The following CELF2 variants were observed in gnomAD, a reference collection of about 807,000 sequenced individuals.
CELF2 encodes the protein CUG triplet repeat RNA-binding protein 2.
Under a neutral mutation model 62.6 loss-of-function variants are expected in CELF2, and 8 were observed. The ratio of observed to expected loss-of-function variants is 0.13; its 90% CI spans 0.07 to 0.23. The LOEUF is 0.23. CELF2 is among the 10% of genes least tolerant of loss of function. CELF2 has a pLI of 1.00. For missense variants in CELF2, 333 were observed against 671.0 expected (o/e 0.50, Z 5.56); for synonymous variants, 258 against 250.0 (o/e 1.03, Z -0.30).
At chr10:11,044,497 C>T (rs573414480) in intron 1 of CELF2, among the ~76,000 whole-genome samples, 1 of 152,248 alleles carries the variant, frequency 6.6e-6, no homozygotes, top group African/African-American at 2.4e-5. Context: ...TTGTGTGAAT[C>T]TCTGTAGCAC....
chr10:10,789,922 T>C, the CELF2 span, among the ~76,000 whole-genome samples: 4 of 152,226 alleles, frequency 2.6e-5, no homozygotes, highest in Admixed American at 6.5e-5. Context: ...ACATGAACTT[T>C]TCTTTATATT....
intron 1 of CELF2, among the ~76,000 whole-genome samples, chr10:11,033,539 A>G (rs936801554): frequency 6.6e-6 from 1 of 152,184 alleles, no homozygotes; most frequent in Admixed American, 6.5e-5. Context: ...TTACAGGCGT[A>G]AGCCACCATG....
intron 1 of CELF2, among the ~76,000 whole-genome samples, chr10:10,876,900 A>G (rs2061134000): frequency 6.6e-6 from 1 of 152,246 alleles, no homozygotes. Context: ...GTTTGTGTGC[A>G]ACACATGGTT....
the CELF2 span, among the ~76,000 whole-genome samples, chr10:10,766,846 C>A: frequency 6.6e-6 from 1 of 152,214 alleles, no homozygotes; most frequent in Non-Finnish European, 1.5e-5. Flanking sequence ...AGTCTACAGG[C>A]TTTGTACCCA....
chr10:11,197,035 A>AAGAAAGAAAGAAAGAAAGAAAG (rs2057940781), intron 2 of CELF2, among the ~76,000 whole-genome samples: 1 of 35,966 alleles, frequency 2.8e-5, no homozygotes, highest in African/African-American at 1.6e-4. Flanking sequence ...AAAAGAAAGA[A>AAGAAAGAAAGAAAGAAAGAAAG]AGAAAGAAAG....
chr10:10,530,136 G>A, the CELF2 span, among the ~76,000 whole-genome samples: 1 of 152,186 alleles, frequency 6.6e-6, no homozygotes, highest in Admixed American at 6.5e-5. Flanking sequence ...CTAGTCTGCA[G>A]TGCAAAGCAG....
chr10:11,033,769 T>C (rs2060517986), intron 1 of CELF2, among the ~76,000 whole-genome samples: 1 of 152,236 alleles, frequency 6.6e-6, no homozygotes, highest in South Asian at 2.1e-4. Flanking sequence ...GTGTTGTAAA[T>C]ACAGTGTGAG....
the CELF2 span, among the ~76,000 whole-genome samples, chr10:10,789,366 A>C: frequency 6.6e-6 from 1 of 152,038 alleles, no homozygotes; most frequent in African/African-American, 2.4e-5. Context: ...TAGATATGTC[A>C]TATGCATATA....
chr10:10,635,181 C>A, the CELF2 span, among the ~76,000 whole-genome samples: 1 of 152,144 alleles, frequency 6.6e-6, no homozygotes, highest in Non-Finnish European at 1.5e-5. Flanking sequence ...ATGATTCAGC[C>A]CATGACTGAG....
At chr10:11,066,273 A>G (rs2068136276) in intron 1 of CELF2, among the ~76,000 whole-genome samples, 1 of 152,076 alleles carries the variant, frequency 6.6e-6, no homozygotes, top group African/African-American at 2.4e-5. Context: ...CTTTTCTGGA[A>G]CCACACCTTT....
At chr10:11,155,734 C>G (rs2064231711) in intron 1 of CELF2, among the ~76,000 whole-genome samples, 2 of 152,172 alleles carry the variant, frequency 1.3e-5, no homozygotes, top group African/African-American at 4.8e-5. Flanking sequence ...ACATAATTAG[C>G]TCCCATGGAC....
the CELF2 span, among the ~76,000 whole-genome samples, chr10:10,654,081 T>G: frequency 6.8e-6 from 1 of 148,006 alleles, no homozygotes; most frequent in Non-Finnish European, 1.5e-5. Context: ...CAGAGAATAC[T>G]ACAAACACCT....
At chr10:10,719,892 C>T in the CELF2 span, among the ~76,000 whole-genome samples, 1 of 152,222 alleles carries the variant, frequency 6.6e-6, no homozygotes, top group African/African-American at 2.4e-5. Flanking sequence ...CAATTCATAA[C>T]CTAGTCTGAA....
chr10:10,599,832 C>T, the CELF2 span, among the ~76,000 whole-genome samples: 4 of 150,750 alleles, frequency 2.7e-5, no homozygotes, highest in Admixed American at 6.6e-5. Context: ...CCTGGGTTCA[C>T]GCCATTCTCC....
chr10:11,082,985 T>G (rs2074427301), intron 1 of CELF2, among the ~76,000 whole-genome samples: 1 of 152,198 alleles, frequency 6.6e-6, no homozygotes, highest in African/African-American at 2.4e-5. Context: ...TAAATAGATG[T>G]CAGATAAAAA....
the CELF2 span, among the ~76,000 whole-genome samples, chr10:10,558,949 A>T: frequency 6.6e-6 from 1 of 152,208 alleles, no homozygotes; most frequent in Non-Finnish European, 1.5e-5. Context: ...AATTTCCAAG[A>T]CATAGCATAA....
Position 11,117,843 on chromosome 10 carries a change from C to A in CELF2, c.75-47643C>A, listed in dbSNP as rs2056885590. Reference sequence around the variant, plus strand: ...CTGATCTTGTAAAAGCTAACTCATGCATGCACAACATGATAGGCCATGTCA... The same window carrying A: ...CTGATCTTGTAAAAGCTAACTCATGAATGCACAACATGATAGGCCATGTCA... On this transcript the variant is annotated intron_variant, in intron 1 of 12. Coordinates refer to ENST00000633077, the MANE Select transcript of CELF2 (RefSeq NM_001326342.2). The surrounding 1 kb of genome is among the most constrained non-coding windows in gnomAD (Gnocchi z 4.1). 6.6e-6 allele frequency among the ~76,000 whole-genome samples: 1 copy of A among 152,146 alleles called. No homozygotes were observed. Among genetic ancestry groups the A allele is most frequent in the Non-Finnish European group, 1.5e-5 (1 of 68,016 alleles).
intron 1 of CELF2, among the ~76,000 whole-genome samples, chr10:10,856,461 G>A (rs2059714093): frequency 6.6e-6 from 1 of 152,058 alleles, no homozygotes; most frequent in Non-Finnish European, 1.5e-5. Flanking sequence ...AATTTTGGGG[G>A]AAAAAATGAC....
At chr10:10,472,798 C>A in the CELF2 span, among the ~76,000 whole-genome samples, 10 of 151,962 alleles carry the variant, frequency 6.6e-5, no homozygotes, top group African/African-American at 2.4e-4. Context: ...CTGTTCTGTT[C>A]ATATAGCTCA....
Sources: gnomAD v4.1 joint callset for allele counts (sites outside exome capture counted in the v4.1 genomes callset) on GRCh38, gnomAD v4.1.1 for gene constraint, Gnocchi (gnomAD v3.1) non-coding constraint, MANE v1.5 for transcripts, NCBI Gene and HGNC (gene_info 2026-07-23, HGNC 2026-07-21) for gene names.